Variants in LLGL1 observed in about 807,000 individuals in gnomAD.
LLGL1 encodes the protein LLGL scribble cell polarity complex component 1.
Under a neutral mutation model 110.6 loss-of-function variants are expected in LLGL1, and 58 were observed. The observed-to-expected ratio is 0.52, with a 90% CI of 0.42 to 0.65. The LOEUF (loss-of-function observed/expected upper bound fraction) is 0.65. Among genes scored for constraint, LLGL1 ranks in the 30% least tolerant of loss-of-function variants. The probability of loss-of-function intolerance (pLI) is 0.00; values close to 1 mark genes in which losing one functional copy is unlikely to be tolerated. For missense variants in LLGL1, 1,229 were observed against 1,462.1 expected (o/e 0.84, Z 2.60); for synonymous variants, 674 against 607.2 (o/e 1.11, Z -1.62).
rs1023681516 is a variant in LLGL1 at position 18,236,773 on chromosome 17, C to T, written c.1506+13C>T. On this transcript the variant is annotated intron_variant, in intron 12 of 22. Coordinates refer to ENST00000316843, the MANE Select transcript of LLGL1 (RefSeq NM_004140.4). ...ACCCTTCCGCAAGGTGGGCCCCTCC[C>T]CTGGCCCTGATGAGCTGGTCCTGAC... 1.2e-6 allele frequency: 2 copies of T among 1,612,716 alleles called. No homozygotes were observed. The highest frequency in any genetic ancestry group is 1.7e-5 in the Admixed American group (1 of 59,980).
rs2047843014 is a variant in LLGL1 at position 18,241,903 on chromosome 17, C to CA, written c.2787dup (p.Ser930IlefsTer4). 1.9e-6 allele frequency: 3 copies of CA among 1,613,906 alleles called. No homozygotes were observed. The highest frequency in any genetic ancestry group is 2.5e-6 in the Non-Finnish European group (3 of 1,179,748). On this transcript the variant is annotated frameshift_variant, in exon 19 of 23. Transcript: ENST00000316843. LOFTEE classifies it high-confidence loss of function. The stretch of plus-strand genomic sequence containing the variant: ...CACCCAGGCTTTTACCTGATATCCC[C>CA]ATCAGAATTTGAACGCTTCTCCCTA...
chr17:18,240,443 C>A lies in LLGL1; in HGVS notation c.2207-135C>A. The A allele has an allele frequency of 9.1e-7, 1 of 1,095,432 alleles. No homozygotes were observed. The highest frequency in any genetic ancestry group is 1.3e-6 in the Non-Finnish European group (1 of 772,248). The allele number at this position is 1,095,432 out of a possible 1,614,324, so 67.9% of individuals were successfully genotyped here. ...GAGGCATGGGGCAGGAGGGAATCAG[C>A]CCTGAGTCCCAGGGTGTCATAGTTA... On this transcript the variant is annotated intron_variant, in intron 16 of 22. Transcript: ENST00000316843. The surrounding 1 kb of genome is among the most constrained non-coding windows in gnomAD (Gnocchi z 5.3).
chr17:18,238,369 G>A, intron 15 of LLGL1, 87 bp from the exon 16 acceptor site: 2 of 1,567,384 alleles, frequency 1.3e-6, no homozygotes, highest in Non-Finnish European at 1.7e-6. Flanking sequence ...GGGTGGTAGA[G>A]GAATGGTAAC....
Position 18,234,836 on chromosome 17 carries a change from T to C in LLGL1, c.906-3T>C. Reference sequence around the variant, plus strand: ...TGGCTCGCACACCTCCCTCTGCACATAGGGGCCACTTTATCATCTTCAGCG... The same window carrying C: ...TGGCTCGCACACCTCCCTCTGCACACAGGGGCCACTTTATCATCTTCAGCG... On this transcript the variant is annotated splice_polypyrimidine_tract_variant and splice_region_variant and intron_variant, in intron 8 of 22. Coordinates refer to ENST00000316843, the MANE Select transcript of LLGL1 (RefSeq NM_004140.4). 1.9e-6 allele frequency: 3 copies of C among 1,614,096 alleles called. No homozygotes were observed. The highest frequency in any genetic ancestry group is 2.5e-6 in the Non-Finnish European group (3 of 1,180,002).
intron 18 of LLGL1, 79 bp downstream of exon 18, chr17:18,241,794 G>A: frequency 6.2e-7 from 1 of 1,607,622 alleles, no homozygotes. Flanking sequence ...GGAGCAGGAA[G>A]GGCACTCCAG....
rs915366791 is a variant in LLGL1 at position 18,230,624 on chromosome 17, C to G, written c.179+586C>G. ...AGGCCGGCAGCTCAGTGTCTCCTTG[C>G]CAGCCCTGGAGAATCCCACCCCAAC... On this transcript the variant is annotated intron_variant, in intron 2 of 22. Coordinates refer to ENST00000316843, the MANE Select transcript of LLGL1 (RefSeq NM_004140.4). 2.6e-5 allele frequency among the ~76,000 whole-genome samples: 4 copies of G among 152,168 alleles called. No homozygotes were observed. The East Asian group carries it at 7.7e-4, about 29-fold the overall frequency.
chr17:18,241,352 C>T, intron 17 of LLGL1, 99 bp from the exon 18 acceptor site: 1 of 1,469,470 alleles, frequency 6.8e-7, no homozygotes, highest in Non-Finnish European at 9.1e-7. Flanking sequence ...TGCAGCTGGG[C>T]TTTGTGGTGG....
Position 18,233,910 on chromosome 17 carries a change from G to C in LLGL1, c.525G>C (p.Thr175=). 1 of 1,612,994 alleles carries C rather than the reference G, an allele frequency of 6.2e-7. No homozygotes were observed. The highest frequency in any genetic ancestry group is 8.5e-7 in the Non-Finnish European group (1 of 1,179,972). ...VTTLTLLEGQ[T]LAPGEVLRSV... is the part of the protein sequence containing the mutation. ...CCCTGACCCTGCTCGAGGGGCAGACGCTTGCCCCAGGCGAGGTTCTGCGCA... is the reference window on the plus strand; with the variant it reads ...CCCTGACCCTGCTCGAGGGGCAGACCCTTGCCCCAGGCGAGGTTCTGCGCA... Residue 175 remains threonine, a synonymous_variant, in exon 5 of 23, where the codon ACG becomes ACC. Transcript: ENST00000316843.
chr17:18,234,588 G>A, intron 7 of LLGL1, 61 bp from the exon 8 acceptor site: 1 of 1,606,334 alleles, frequency 6.2e-7, no homozygotes, highest in Non-Finnish European at 8.5e-7. Flanking sequence ...GGGCAGAGCA[G>A]GAATGGCAGA....
intron 1 of LLGL1, among the ~76,000 whole-genome samples, chr17:18,228,057 G>T (rs776486819): frequency 1.3e-5 from 2 of 152,126 alleles, no homozygotes; most frequent in Non-Finnish European, 2.9e-5. Context: ...TGTGTGTGAG[G>T]TCTCCAAGGT....
intron 19 of LLGL1, 74 bp from the exon 20 acceptor site, chr17:18,242,092 T>C: frequency 6.5e-7 from 1 of 1,530,462 alleles, no homozygotes; most frequent in Non-Finnish European, 9.0e-7. Context: ...GGCTCAGGAG[T>C]GGGAGGGCAA....
chr17:18,239,059 C>T (rs114282388), intron 16 of LLGL1, among the ~76,000 whole-genome samples: 2,931 of 152,234 alleles, frequency 0.019, 94 homozygotes, highest in African/African-American at 0.067. Flanking sequence ...TGGGTCACCC[C>T]CAGTCTCTCT....
At position 18,232,564 on chromosome 17, in the gene LLGL1, C is replaced by T. The variant is rs147342699; in HGVS notation, c.249C>T (p.Phe83=). The stretch of plus-strand genomic sequence containing the variant: ...CAGCCACTGTCACACAGATGCACTT[C>T]TTGACCGGCCAGGTGAGCCTCTGCT... The part of the protein sequence containing the change: ...RDAATVTQMH[F]LTGQGRLLSL... The change falls in exon 3 of 23, where the codon TTC becomes TTT. Residue 83 remains phenylalanine, a synonymous_variant. Transcript: ENST00000316843. 1.2e-6 allele frequency: 2 copies of T among 1,614,012 alleles called. No homozygotes were observed. The highest frequency in any genetic ancestry group is 1.7e-6 in the Non-Finnish European group (2 of 1,179,996).
chr17:18,237,248 G>T (rs578095476), intron 13 of LLGL1: 2 of 598,338 alleles, frequency 3.3e-6, no homozygotes, highest in African/African-American at 3.7e-5. Flanking sequence ...TGGACACTTT[G>T]CCCTCAGAGG....
At position 18,235,453 on chromosome 17, in the gene LLGL1, CTG is replaced by C. The variant is rs755291545; in HGVS notation, c.1285-16_1285-15del. On this transcript the variant is annotated splice_polypyrimidine_tract_variant and intron_variant, in intron 10 of 22. Coordinates refer to ENST00000316843, the MANE Select transcript of LLGL1 (RefSeq NM_004140.4). ...TCGTCCTAACCTTGTGCATACATCT[CTG>C]CCACCCCCTCCCAGAGCTGGCCCAT... 1.9e-6 allele frequency: 3 copies of C among 1,614,022 alleles called. No individual in the cohort carries two copies. The highest frequency in any genetic ancestry group is 2.5e-6 in the Non-Finnish European group (3 of 1,179,958).
chr17:18,228,200 T>C (rs532566756), intron 1 of LLGL1, among the ~76,000 whole-genome samples: 5 of 152,360 alleles, frequency 3.3e-5, no homozygotes, highest in Admixed American at 2.6e-4. Context: ...TAGCCAGTGC[T>C]GTGGATCAAA....
At position 18,244,864 on chromosome 17, in the gene LLGL1, A is replaced by G. The variant is rs993920886; in HGVS notation, c.*958A>G. The G allele has an allele frequency of 7.4e-6, 3 of 404,872 alleles. No homozygotes were observed. The highest frequency in any genetic ancestry group is 1.3e-5 in the Non-Finnish European group (3 of 229,550). 25.1% of individuals were successfully genotyped at this position (404,872 alleles called of 1,614,324 possible). A position where few individuals can be genotyped will look rare whatever the true frequency, so the allele number is the denominator to read the frequency against. The stretch of plus-strand genomic sequence containing the variant: ...TTAATATTGAAAATAAAAGCATTTA[A>G]TATCTCTTAAAGGGCATCCACATCT... On this transcript the variant is annotated 3_prime_UTR_variant, in exon 23 of 23. Coordinates refer to ENST00000316843, the MANE Select transcript of LLGL1 (RefSeq NM_004140.4).
intron 22 of LLGL1, among the ~76,000 whole-genome samples, chr17:18,243,520 G>T (rs148366171): frequency 6.6e-6 from 1 of 152,340 alleles, no homozygotes; most frequent in African/African-American, 2.4e-5. Flanking sequence ...AGGTCTCATC[G>T]GTTGGGCCCA....
At chr17:18,241,388 G>C in intron 17 of LLGL1, 63 bp from the exon 18 acceptor site, 1 of 1,550,890 alleles carries the variant, frequency 6.4e-7, no homozygotes, top group Non-Finnish European at 8.7e-7. Context: ...CAGCCACGAG[G>C]GTGAGGGGCC....
Sources: allele counts gnomAD v4.1 joint callset (sites outside exome capture counted in the v4.1 genomes callset), GRCh38; gene constraint gnomAD v4.1.1; non-coding constraint Gnocchi (gnomAD v3.1); transcripts MANE v1.5; gene names NCBI Gene and HGNC (gene_info 2026-07-23, HGNC 2026-07-21).